The following CSGALNACT1 variants were observed in gnomAD, a reference collection of about 807,000 sequenced individuals.
CSGALNACT1 encodes chondroitin sulfate N-acetylgalactosaminyltransferase 1.
CSGALNACT1 carries 52 observed loss-of-function variants against 51.0 expected under a neutral mutation model. That is an observed-to-expected ratio of 1.02 (90% confidence interval 0.82 to 1.29). CSGALNACT1 has a LOEUF of 1.29. CSGALNACT1 is among the 50% of genes most tolerant of loss of function. The probability of loss-of-function intolerance (pLI) is 0.00; values close to 1 mark genes in which losing one functional copy is unlikely to be tolerated. For missense variants in CSGALNACT1, 935 were observed against 679.2 expected, an observed-to-expected ratio of 1.38 and a Z score of -4.19; for synonymous variants, 341 against 254.4, an observed-to-expected ratio of 1.34 and a Z score of -3.24.
intron 2 of CSGALNACT1, among the ~76,000 whole-genome samples, chr8:19,598,757 G>C (rs1169802013): frequency 2.0e-5 from 3 of 152,200 alleles, no homozygotes; most frequent in Non-Finnish European, 4.4e-5. Context: ...GAGTTCAGGA[G>C]ACGACTGCGC....
intron 1 of CSGALNACT1, among the ~76,000 whole-genome samples, chr8:19,754,503 C>G (rs993107424): frequency 1.6e-4 from 25 of 152,048 alleles, no homozygotes; most frequent in African/African-American, 6.0e-4. Flanking sequence ...TAGATGAAAA[C>G]CATATACATA....
rs558309218 is a variant in CSGALNACT1 at position 19,443,884 on chromosome 8, T to C, written c.852-3953A>G. Among the ~76,000 whole-genome samples the C allele has an allele frequency of 3.5e-4, 53 of 151,364 alleles. 1 individual carries two copies. Among genetic ancestry groups the C allele is most frequent in the African/African-American group, 1.2e-3 (50 of 41,202 alleles). On this transcript the variant is annotated intron_variant, in intron 5 of 9. Transcript: ENST00000454498. ...GAAGACAATTTTTCCACACTGGGGGTGGGGGTGGAGGTGGGCTTATGGTTT... is the reference window on the plus strand; with the variant it reads ...GAAGACAATTTTTCCACACTGGGGGCGGGGGTGGAGGTGGGCTTATGGTTT...
At chr8:19,686,317 TAGA>T (rs1177546540), upstream of CSGALNACT1, among the ~76,000 whole-genome samples, 5 of 152,224 alleles carry the variant, frequency 3.3e-5, no homozygotes, top group East Asian at 1.9e-4. Flanking sequence ...GAAAAAAAAC[TAGA>T]AGAATAGAAA....
chr8:19,663,443 T>C (rs1335478551), intron 1 of CSGALNACT1, among the ~76,000 whole-genome samples: 1 of 152,236 alleles, frequency 6.6e-6, no homozygotes. Flanking sequence ...ATTTTAAGTT[T>C]AAAGCAGTCA....
intron 1 of CSGALNACT1, among the ~76,000 whole-genome samples, chr8:19,624,739 C>T (rs571292347): frequency 4.6e-5 from 7 of 151,386 alleles, no homozygotes; most frequent in East Asian, 3.9e-4. Flanking sequence ...AGTGCAGTGG[C>T]GAGATCTCAG....
chr8:19,693,413 G>A (rs1246574329), intron 1 of CSGALNACT1, among the ~76,000 whole-genome samples: 3 of 152,074 alleles, frequency 2.0e-5, no homozygotes, highest in Non-Finnish European at 1.5e-5. Flanking sequence ...TCCTGCTACT[G>A]TTAATATCTG....
At chr8:19,547,521 C>G (rs1262610623) in intron 3 of CSGALNACT1, among the ~76,000 whole-genome samples, 1 of 152,132 alleles carries the variant, frequency 6.6e-6, no homozygotes, top group South Asian at 2.1e-4. Flanking sequence ...TTTCCCCCTT[C>G]GCTTGGCTCT....
At chr8:19,504,355 C>T (rs923002770) in intron 4 of CSGALNACT1, among the ~76,000 whole-genome samples, 13 of 152,148 alleles carry the variant, frequency 8.5e-5, no homozygotes, top group African/African-American at 3.1e-4. Flanking sequence ...GGATTACAGG[C>T]GCGAGCCACT....
intron 5 of CSGALNACT1, among the ~76,000 whole-genome samples, chr8:19,441,349 T>C (rs2061306649): frequency 6.6e-6 from 1 of 152,182 alleles, no homozygotes; most frequent in Admixed American, 6.5e-5. Context: ...CAAAACAGCA[T>C]GGTAGTGGTA....
At chr8:19,623,008 C>T (rs185028000) in intron 1 of CSGALNACT1, among the ~76,000 whole-genome samples, 41 of 152,190 alleles carry the variant, frequency 2.7e-4, no homozygotes, top group African/African-American at 9.6e-4. Flanking sequence ...CACATGTATA[C>T]GTAGGTAACA....
chr8:19,723,899 G>A (rs2063259616), intron 1 of CSGALNACT1, among the ~76,000 whole-genome samples: 1 of 152,092 alleles, frequency 6.6e-6, no homozygotes, highest in Non-Finnish European at 1.5e-5. Flanking sequence ...TAACCAAAGG[G>A]TCTATTTTTA....
At chr8:19,662,014 T>G (rs2058777921) in intron 1 of CSGALNACT1, among the ~76,000 whole-genome samples, 1 of 148,798 alleles carries the variant, frequency 6.7e-6, no homozygotes, top group South Asian at 2.1e-4. Flanking sequence ...GAGGTATTTT[T>G]AACCATCCCT....
At chr8:19,591,573 G>C (rs545155131) in intron 2 of CSGALNACT1, among the ~76,000 whole-genome samples, 5 of 152,324 alleles carry the variant, frequency 3.3e-5, no homozygotes, top group African/African-American at 1.2e-4. Context: ...ATTGTAGAAA[G>C]GAGAGTTAAA....
At chr8:19,435,452 C>T (rs1052958306) in intron 6 of CSGALNACT1, among the ~76,000 whole-genome samples, 4 of 150,280 alleles carry the variant, frequency 2.7e-5, no homozygotes, top group Non-Finnish European at 5.9e-5. Context: ...GAGACTGTGC[C>T]ACTGCACTCC....
chr8:19,732,681 T>C (rs2063756723), intron 1 of CSGALNACT1: 1 of 152,212 alleles, frequency 6.6e-6, no homozygotes. Flanking sequence ...CACAGACACT[T>C]TAGGCAATAG....
intron 3 of CSGALNACT1, among the ~76,000 whole-genome samples, chr8:19,551,165 T>C (rs1482164269): frequency 1.3e-5 from 2 of 152,188 alleles, no homozygotes; most frequent in African/African-American, 4.8e-5. Flanking sequence ...AAGAGTATGT[T>C]ACAATTCCCT....
chr8:19,424,728 GC>G (rs1435968412), intron 6 of CSGALNACT1, among the ~76,000 whole-genome samples: 1 of 152,168 alleles, frequency 6.6e-6, no homozygotes, highest in Admixed American at 6.5e-5. Flanking sequence ...AGACTAGAGT[GC>G]CCCCTGCTCA....
At chr8:19,518,651 A>G (rs2080025345) in intron 3 of CSGALNACT1, among the ~76,000 whole-genome samples, 1 of 151,930 alleles carries the variant, frequency 6.6e-6, no homozygotes, top group East Asian at 1.9e-4. Context: ...TGCCTATTAA[A>G]CCTCTGCTCC....
At chr8:19,475,119 A>C (rs1490540134) in intron 4 of CSGALNACT1, among the ~76,000 whole-genome samples, 1 of 152,098 alleles carries the variant, frequency 6.6e-6, no homozygotes, top group East Asian at 1.9e-4. Flanking sequence ...AAGAAGGAGG[A>C]GCTGTAGAGC....
Sources: gnomAD v4.1 joint callset for allele counts (sites outside exome capture counted in the v4.1 genomes callset) on GRCh38, gnomAD v4.1.1 for gene constraint, MANE v1.5 for transcripts, NCBI Gene and HGNC (gene_info 2026-07-23, HGNC 2026-07-21) for gene names.